Variants in PDLIM5 observed in about 807,000 individuals in gnomAD.
PDLIM5 encodes the protein PDZ and LIM domain protein 5.
In PDLIM5, 34 loss-of-function variants were observed where a neutral mutation model predicts 64.2. The ratio of observed to expected loss-of-function variants is 0.53; its 90% CI spans 0.40 to 0.71. The LOEUF (loss-of-function observed/expected upper bound fraction) is 0.71, where lower values mean the gene tolerates loss of function less well. PDLIM5 is among the 30% of genes least tolerant of loss of function. PDLIM5 has a pLI of 0.00. For missense variants in PDLIM5, 683 were observed against 733.6 expected, an observed-to-expected ratio of 0.93 and a Z score of 0.80; for synonymous variants, 253 against 269.1, an observed-to-expected ratio of 0.94 and a Z score of 0.59.
intron 11 of PDLIM5, among the ~76,000 whole-genome samples, 160 bp downstream of exon 11, chr4:94,657,707 A>G (rs1352229848): frequency 6.7e-6 from 1 of 149,034 alleles, no homozygotes; most frequent in Non-Finnish European, 1.5e-5. Flanking sequence ...AACTATGTAG[A>G]TTTTTTTTTT....
rs1261673552 is a variant in PDLIM5, at chr4:94,664,495, A to G, written c.*428A>G. 1 of 731,380 alleles carries G rather than the reference A, an allele frequency of 1.4e-6. No individual in the cohort carries two copies. Among genetic ancestry groups the G allele is most frequent in the East Asian group, 1.3e-4 (1 of 7,718 alleles). The allele number at this position is 731,380 out of a possible 1,614,324, so 45.3% of individuals were successfully genotyped here. On this transcript the variant is annotated 3_prime_UTR_variant, in exon 13 of 13. Transcript: ENST00000317968. ...CAATAACAGAATTATTGTATTTAAA[A>G]AAAAACTAATACTTATCTTTAAAAT...
chr4:94,636,607 T>C (rs1195354409), intron 8 of PDLIM5, among the ~76,000 whole-genome samples: 6 of 151,058 alleles, frequency 4.0e-5, no homozygotes, highest in African/African-American at 1.5e-4. Context: ...GGTGCGATCT[T>C]GGCTCACTGC....
chr4:94,660,886 A>G (rs1266150541), intron 11 of PDLIM5, among the ~76,000 whole-genome samples: 2 of 151,200 alleles, frequency 1.3e-5, no homozygotes, highest in African/African-American at 4.9e-5. Context: ...CAGCCTGGGC[A>G]AGATGGGGAA....
chr4:94,603,447 C>T (rs1001925970), intron 7 of PDLIM5, among the ~76,000 whole-genome samples: 3 of 151,916 alleles, frequency 2.0e-5, no homozygotes, highest in Non-Finnish European at 2.9e-5. Context: ...AGATGGATGG[C>T]GTAATGAGAA....
chr4:94,559,690 C>A (rs921629306), intron 3 of PDLIM5, among the ~76,000 whole-genome samples: 1 of 152,152 alleles, frequency 6.6e-6, no homozygotes, highest in African/African-American at 2.4e-5. Context: ...AAATATGGAT[C>A]TCAACATTAA....
intron 9 of PDLIM5, among the ~76,000 whole-genome samples, chr4:94,644,905 T>C (rs1741289689): frequency 7.9e-6 from 1 of 127,142 alleles, no homozygotes; most frequent in Admixed American, 8.5e-5. Context: ...AGGATTGATA[T>C]TATTCTTTTT....
At chr4:94,474,965 A>C (rs2126097653) in intron 2 of PDLIM5, among the ~76,000 whole-genome samples, 1 of 152,344 alleles carries the variant, frequency 6.6e-6, no homozygotes, top group East Asian at 1.9e-4. Context: ...ATTTTCAGTA[A>C]TAATAGCTAA....
intron 1 of PDLIM5, among the ~76,000 whole-genome samples, chr4:94,454,999 G>A (rs766927572): frequency 6.6e-6 from 1 of 152,208 alleles, no homozygotes; most frequent in Non-Finnish European, 1.5e-5. Context: ...ATTGAAGCAA[G>A]TTGTGAAACA....
intron 2 of PDLIM5, among the ~76,000 whole-genome samples, chr4:94,487,221 ATT>A (rs1347154574): frequency 6.6e-6 from 1 of 152,092 alleles, no homozygotes; most frequent in Non-Finnish European, 1.5e-5. Context: ...GCCTAAAAAT[ATT>A]TTGTTACATT....
chr4:94,571,495 C>T (rs922675007), intron 3 of PDLIM5, among the ~76,000 whole-genome samples: 2 of 152,140 alleles, frequency 1.3e-5, no homozygotes, highest in South Asian at 4.1e-4. Flanking sequence ...TTGTTGACCC[C>T]ATAGCACAAA....
chr4:94,598,803 CA>C (rs1737263907), intron 7 of PDLIM5, among the ~76,000 whole-genome samples: 1 of 151,938 alleles, frequency 6.6e-6, no homozygotes, highest in Admixed American at 6.6e-5. Context: ...AGAGTAAGGT[CA>C]TTAGACTCTA....
intron 3 of PDLIM5, among the ~76,000 whole-genome samples, chr4:94,559,599 G>T (rs1474597975): frequency 6.6e-6 from 1 of 152,204 alleles, no homozygotes; most frequent in Non-Finnish European, 1.5e-5. Context: ...TGAAAACAAG[G>T]CCATGGTTGA....
chr4:94,495,177 T>C (rs1245036537), intron 2 of PDLIM5, among the ~76,000 whole-genome samples: 1 of 152,184 alleles, frequency 6.6e-6, no homozygotes, highest in East Asian at 1.9e-4. Flanking sequence ...TATTCTACAG[T>C]ATATCTTTCA....
chr4:94,536,441 GA>G (rs530222324), intron 3 of PDLIM5, among the ~76,000 whole-genome samples: 50 of 152,316 alleles, frequency 3.3e-4, no homozygotes, highest in Non-Finnish European at 6.2e-4. Flanking sequence ...TTTCCTGGAT[GA>G]AAAGGAGTAG....
At chr4:94,538,191 C>T (rs566772406) in intron 3 of PDLIM5, among the ~76,000 whole-genome samples, 4 of 152,238 alleles carry the variant, frequency 2.6e-5, no homozygotes, top group African/African-American at 9.6e-5. Context: ...TTAGCAGCTC[C>T]AGTGTGTGCA....
At chr4:94,626,051 C>T (rs1274186722) in intron 8 of PDLIM5, among the ~76,000 whole-genome samples, 1 of 152,064 alleles carries the variant, frequency 6.6e-6, no homozygotes, top group African/African-American at 2.4e-5. Context: ...ATTTGAAGGT[C>T]TTTTGGGGAC....
At chr4:94,661,062 C>T (rs6817664) in intron 11 of PDLIM5, among the ~76,000 whole-genome samples, 47,636 of 151,748 alleles carry the variant, frequency 0.31, 7,686 homozygotes, top group Non-Finnish European at 0.36. Context: ...TCAGCCTGGG[C>T]AAGAGAGCGA....
At chr4:94,653,531 A>G (rs564921555) in intron 9 of PDLIM5, among the ~76,000 whole-genome samples, 14 of 147,816 alleles carry the variant, frequency 9.5e-5, no homozygotes, top group Non-Finnish European at 1.8e-4. Context: ...TCATGACCAT[A>G]AAGTATTTAA....
At chr4:94,594,041 C>T (rs1243276886) in intron 7 of PDLIM5, among the ~76,000 whole-genome samples, 2 of 152,010 alleles carry the variant, frequency 1.3e-5, no homozygotes, top group African/African-American at 2.4e-5. Flanking sequence ...TTGTTTACAG[C>T]GTGGCACACA....
Sources: allele counts gnomAD v4.1 joint callset (sites outside exome capture counted in the v4.1 genomes callset), GRCh38; gene constraint gnomAD v4.1.1; transcripts MANE v1.5; gene names NCBI Gene and HGNC (gene_info 2026-07-23, HGNC 2026-07-21).